Variants in NMT2 observed in about 807,000 individuals in gnomAD.
NMT2 encodes N-myristoyltransferase 2.
In NMT2, 35 loss-of-function variants were observed where a neutral mutation model predicts 65.4. That is an observed-to-expected ratio of 0.54 (90% CI 0.41 to 0.71). The LOEUF is 0.71. Ranked by LOEUF, NMT2 falls within the 30% of genes least tolerant of loss-of-function variation. NMT2 has a pLI of 0.00. For missense variants in NMT2, 489 were observed against 611.3 expected (o/e 0.80, Z 2.11); for synonymous variants, 226 against 231.8 (o/e 0.98, Z 0.23).
intron 2 of NMT2, among the ~76,000 whole-genome samples, chr10:15,140,737 A>C (rs1055520804): frequency 5.9e-5 from 9 of 152,174 alleles, no homozygotes; most frequent in Non-Finnish European, 1.0e-4. Context: ...TGTGTTTCCC[A>C]GAGGCCCAGC....
Position 15,108,718 on chromosome 10 carries a change from T to G in NMT2, c.*477A>C. ...TTGATTCCATAAATGTTCCCAGTGA[T>G]ACCATGTAAGGTGATACCAGTAAAA... On this transcript the variant is annotated 3_prime_UTR_variant, in exon 12 of 12. Coordinates refer to ENST00000378165, the MANE Select transcript of NMT2 (RefSeq NM_004808.3). The G allele has an allele frequency of 1.0e-6, 1 of 1,000,116 alleles. No homozygotes were observed. Among genetic ancestry groups the G allele is most frequent in the African/African-American group, 1.7e-5 (1 of 57,424 alleles). The allele number at this position is 1,000,116 out of a possible 1,614,324, so 62.0% of individuals were successfully genotyped here.
At chr10:15,128,075 A>C (rs983762662) in intron 8 of NMT2, among the ~76,000 whole-genome samples, 5 of 152,166 alleles carry the variant, frequency 3.3e-5, no homozygotes, top group African/African-American at 1.2e-4. Flanking sequence ...AACAGACCAT[A>C]AATTTCCCAA....
At chr10:15,160,578 C>T (rs1833153625) in intron 1 of NMT2, among the ~76,000 whole-genome samples, 1 of 151,922 alleles carries the variant, frequency 6.6e-6, no homozygotes, top group Non-Finnish European at 1.5e-5. Flanking sequence ...AGTTCGAGAC[C>T]AGCCGGCCAA....
At chr10:15,168,352 G>T in intron 1 of NMT2, 151 bp downstream of exon 1, 1 of 557,250 alleles carries the variant, frequency 1.8e-6, no homozygotes, top group East Asian at 4.3e-5. Context: ...GCGCGCCCCG[G>T]ACCTCACCAT....
At chr10:15,135,200 T>G (rs75862926) in intron 3 of NMT2, 74 bp downstream of exon 3, 90,789 of 1,347,580 alleles carry the variant, frequency 0.067, 3,049 homozygotes, top group African/African-American at 0.12. Context: ...GTTTTGTTGT[T>G]GTTGTTGTTG....
At position 15,132,813 on chromosome 10, in the gene NMT2, G is replaced by GT. The variant is rs1846331289; in HGVS notation, c.719+3dup. On this transcript the variant is annotated splice_donor_region_variant and intron_variant, in intron 6 of 11. Transcript: ENST00000378165. ...AAACCGCATGGACGAGCTTAAACAT[G>GT]TACCTGTCATAAATCCGAATGTTTG... 6.3e-7 allele frequency: 1 copy of GT among 1,586,182 alleles called. No homozygotes were observed. The highest frequency in any genetic ancestry group is 1.3e-5 in the African/African-American group (1 of 74,146).
At chr10:15,149,950 T>C (rs1346395471) in intron 1 of NMT2, among the ~76,000 whole-genome samples, 3 of 152,212 alleles carry the variant, frequency 2.0e-5, no homozygotes, top group African/African-American at 7.2e-5. Context: ...TTTTGTAAAC[T>C]GCCTAATTGC....
rs1212164527 is a variant in NMT2, at chr10:15,109,210, T to G, written c.1482A>C (p.Gly494=). 1.9e-6 allele frequency: 3 copies of G among 1,604,388 alleles called. No individual in the cohort carries two copies. The Admixed American group carries it at 5.2e-5, about 28-fold the overall frequency. ...RCPGTDSEKV[G]LVLQ The stretch of plus-strand genomic sequence containing the variant: ...AAATATCCATCTATTGTAGTACTAG[T>G]CCAACCTGAAGGGAGGGAAGAAATG... Residue 494 remains glycine (G), a synonymous_variant, in exon 12 of 12, where the codon GGA becomes GGC. Transcript: ENST00000378165.
At chr10:15,119,272 A>T in intron 9 of NMT2, 71 bp downstream of exon 9, 1 of 1,367,654 alleles carries the variant, frequency 7.3e-7, no homozygotes, top group Non-Finnish European at 1.0e-6. Context: ...GTGTGTGTAA[A>T]TAATTCTGCT....
chr10:15,127,567 A>T (rs867135477), intron 8 of NMT2, among the ~76,000 whole-genome samples: 2,065 of 89,480 alleles, frequency 0.023, 41 homozygotes, highest in Non-Finnish European at 0.027. Context: ...AAAAAAAAAA[A>T]AAATAAATAA....
At chr10:15,167,187 A>C (rs1056953785) in intron 1 of NMT2, among the ~76,000 whole-genome samples, 1 of 152,240 alleles carries the variant, frequency 6.6e-6, no homozygotes, top group Non-Finnish European at 1.5e-5. Flanking sequence ...TCTTTAAAAA[A>C]AAAAATATTC....
rs371819320 is a variant in NMT2 at position 15,109,170 on chromosome 10, G to C, written c.*25C>G. 57 of 1,602,168 alleles carry C rather than the reference G, an allele frequency of 3.6e-5. No individual in the cohort carries two copies. The African/African-American group carries it at 6.9e-4, about 19-fold the overall frequency. On this transcript the variant is annotated 3_prime_UTR_variant, in exon 12 of 12. Transcript: ENST00000378165. Reference sequence around the variant, plus strand: ...TAAATATTAACAAATGATGATGTCAGAGTTCTAGAAATAAAAATATCCATC... The same window carrying C: ...TAAATATTAACAAATGATGATGTCACAGTTCTAGAAATAAAAATATCCATC...
chr10:15,161,081 CAAAAAAAAAAAAAAAAA>C (rs750859200), intron 1 of NMT2, among the ~76,000 whole-genome samples: 2 of 19,274 alleles, frequency 1.0e-4, no homozygotes, highest in Non-Finnish European at 1.8e-4. Context: ...CCTCAAAAAT[CAAAAAAAAAAAAAAAAA>C]AAAAAAAAAA....
chr10:15,155,192 T>C (rs1319418502), intron 1 of NMT2: 1 of 1,535,348 alleles, frequency 6.5e-7, no homozygotes, highest in East Asian at 2.3e-5. Context: ...AACCAAATCC[T>C]TTCTCTCCAG....
intron 9 of NMT2, among the ~76,000 whole-genome samples, chr10:15,116,890 A>G (rs760573529): frequency 6.6e-6 from 1 of 152,234 alleles, no homozygotes; most frequent in Non-Finnish European, 1.5e-5. Context: ...GAATAGTGCT[A>G]TAACCATTAA....
chr10:15,123,003 G>T (rs934365689), intron 8 of NMT2, among the ~76,000 whole-genome samples: 2 of 151,994 alleles, frequency 1.3e-5, no homozygotes, highest in Non-Finnish European at 2.9e-5. Flanking sequence ...GCCACACTTT[G>T]AGAACTGCTA....
intron 2 of NMT2, 96 bp from the exon 3 acceptor site, chr10:15,135,514 C>G: frequency 8.1e-7 from 1 of 1,241,164 alleles, no homozygotes; most frequent in South Asian, 1.3e-5. Flanking sequence ...ACTACAATAC[C>G]TAAACACTAA....
intron 1 of NMT2, among the ~76,000 whole-genome samples, chr10:15,149,764 TAGAG>T (rs1015634647): frequency 1.2e-4 from 18 of 152,062 alleles, no homozygotes; most frequent in African/African-American, 3.4e-4. Flanking sequence ...GAAACTGAAA[TAGAG>T]AGAGCTTAAG....
intron 1 of NMT2, among the ~76,000 whole-genome samples, chr10:15,162,418 T>C (rs1040171731): frequency 3.9e-5 from 6 of 152,180 alleles, no homozygotes; most frequent in African/African-American, 1.2e-4. Context: ...CTGTCCAGTA[T>C]GATAGCCACT....
Sources: gnomAD v4.1 joint callset for allele counts (sites outside exome capture counted in the v4.1 genomes callset) on GRCh38, gnomAD v4.1.1 for gene constraint, MANE v1.5 for transcripts, NCBI Gene and HGNC (gene_info 2026-07-23, HGNC 2026-07-21) for gene names.